The following MAP4K5 variants were observed in gnomAD, a reference collection of about 807,000 sequenced individuals.
MAP4K5 encodes mitogen-activated protein kinase kinase kinase kinase 5.
MAP4K5 carries 82 observed loss-of-function variants against 135.6 expected under a neutral mutation model. The ratio of observed to expected loss-of-function variants is 0.60; its 90% CI spans 0.51 to 0.73. The LOEUF is 0.73. Ranked by LOEUF, MAP4K5 falls within the 30% of genes least tolerant of loss-of-function variation. The pLI, the probability that MAP4K5 is intolerant of heterozygous loss-of-function variation, is 0.00. For synonymous variants in MAP4K5, 347 were observed against 335.0 expected (o/e 1.04, Z -0.39); for missense variants, 907 against 1,010.9 (o/e 0.90, Z 1.39).
chr14:50,532,732 C>T (rs534818039), upstream of MAP4K5: 2 of 152,838 alleles, frequency 1.3e-5, no homozygotes, highest in African/African-American at 4.8e-5. Context: ...ACAACACCCT[C>T]CCGACCGCGC....
intron 28 of MAP4K5, among the ~76,000 whole-genome samples, chr14:50,432,502 T>C (rs2035992265): frequency 6.8e-6 from 1 of 146,976 alleles, no homozygotes; most frequent in Non-Finnish European, 1.5e-5. Flanking sequence ...ATGTTAAAAG[T>C]AGGTAGAATA....
At position 50,434,374 on chromosome 14, in the gene MAP4K5, A is replaced by G. The variant is rs369927760; in HGVS notation, c.2164+20T>C. The G allele has an allele frequency of 6.4e-6, 10 of 1,568,630 alleles. No homozygotes were observed. Among genetic ancestry groups the G allele is most frequent in the Non-Finnish European group, 6.9e-6 (8 of 1,154,202 alleles). Reference sequence around the variant, plus strand: ...TAGGCAAAAATATCAATATTCTAACATAAGGTAAAAAATACTTACCTGCAC... The same window carrying G: ...TAGGCAAAAATATCAATATTCTAACGTAAGGTAAAAAATACTTACCTGCAC... On this transcript the variant is annotated intron_variant, in intron 28 of 32. Coordinates refer to ENST00000682126, the MANE Select transcript of MAP4K5 (RefSeq NM_006575.6).
At chr14:50,456,694 T>A in intron 13 of MAP4K5, 100 bp from the exon 14 acceptor site, 1 of 697,714 alleles carries the variant, frequency 1.4e-6, no homozygotes, top group Non-Finnish European at 2.4e-6. Context: ...GAATATCTAC[T>A]AGTAAATTAT....
chr14:50,477,221 A>C (rs1157066570), intron 6 of MAP4K5, among the ~76,000 whole-genome samples: 3 of 152,144 alleles, frequency 2.0e-5, no homozygotes, highest in Non-Finnish European at 2.9e-5. Flanking sequence ...TATCCCTAAG[A>C]ATGTCATATT....
intron 9 of MAP4K5, among the ~76,000 whole-genome samples, chr14:50,473,220 C>G (rs1310468321): frequency 6.6e-6 from 1 of 152,044 alleles, no homozygotes; most frequent in Non-Finnish European, 1.5e-5. Context: ...AAAACTGAGT[C>G]TTTGTTAATT....
chr14:50,430,857 CTG>C (rs1187494495), intron 28 of MAP4K5, among the ~76,000 whole-genome samples: 1 of 152,142 alleles, frequency 6.6e-6, no homozygotes, highest in East Asian at 1.9e-4. Flanking sequence ...TCATTCATGA[CTG>C]TGTGAGGGAA....
intron 2 of MAP4K5, among the ~76,000 whole-genome samples, chr14:50,528,016 T>G (rs2038304787): frequency 6.6e-6 from 1 of 152,134 alleles, no homozygotes; most frequent in Admixed American, 6.5e-5. Context: ...CAGAGGTAGT[T>G]GAGAATCTAA....
At chr14:50,519,200 G>A (rs1272149454) in intron 2 of MAP4K5, among the ~76,000 whole-genome samples, 12 of 151,718 alleles carry the variant, frequency 7.9e-5, no homozygotes, top group South Asian at 2.1e-4. Flanking sequence ...TTAAAAGCAC[G>A]TTATCAAATA....
intron 14 of MAP4K5, among the ~76,000 whole-genome samples, chr14:50,452,226 G>A (rs957489119): frequency 4.6e-5 from 7 of 152,074 alleles, no homozygotes; most frequent in Non-Finnish European, 8.8e-5. Flanking sequence ...ATCATAAATC[G>A]GGGAGCATCT....
At chr14:50,462,826 T>C in intron 12 of MAP4K5, 45 bp from the exon 13 acceptor site, 1 of 1,100,788 alleles carries the variant, frequency 9.1e-7, no homozygotes, top group Non-Finnish European at 1.4e-6. Context: ...CCTTTACATC[T>C]ATGGCTTAAA....
intron 9 of MAP4K5, among the ~76,000 whole-genome samples, chr14:50,472,828 G>A (rs2036996779): frequency 6.6e-6 from 1 of 152,142 alleles, no homozygotes; most frequent in Non-Finnish European, 1.5e-5. Flanking sequence ...AGTCATCTGA[G>A]AATGCCTATT....
chr14:50,504,378 T>C (rs1005062922), intron 3 of MAP4K5, among the ~76,000 whole-genome samples: 1 of 152,104 alleles, frequency 6.6e-6, no homozygotes, highest in Admixed American at 6.5e-5. Context: ...CACACAGAAG[T>C]GTTAATAAAA....
chr14:50,457,424 C>T (rs980556462), intron 13 of MAP4K5, among the ~76,000 whole-genome samples: 18 of 152,170 alleles, frequency 1.2e-4, no homozygotes, highest in East Asian at 7.7e-4. Context: ...CTACCCACCA[C>T]GCAGAACCTC....
intron 1 of MAP4K5, among the ~76,000 whole-genome samples, chr14:50,547,061 CA>C (rs2038642926): frequency 6.6e-6 from 1 of 151,936 alleles, no homozygotes; most frequent in African/African-American, 2.4e-5. Flanking sequence ...CACATGGACA[CA>C]GGGGGAGGGG....
At chr14:50,473,568 TTTTG>T (rs1396892753) in intron 9 of MAP4K5, among the ~76,000 whole-genome samples, 32 of 152,288 alleles carry the variant, frequency 2.1e-4, no homozygotes, top group African/African-American at 6.5e-4. Context: ...TGCCTTTTAA[TTTTG>T]TTTAAGCTGG....
intron 1 of MAP4K5, among the ~76,000 whole-genome samples, chr14:50,548,811 G>T (rs763691610): frequency 6.6e-5 from 10 of 152,004 alleles, no homozygotes; most frequent in Admixed American, 2.0e-4. Flanking sequence ...CACCCGGCCT[G>T]GTCTCAATTA....
intron 2 of MAP4K5, among the ~76,000 whole-genome samples, chr14:50,508,880 G>C (rs1192307439): frequency 6.6e-6 from 1 of 151,868 alleles, no homozygotes; most frequent in Non-Finnish European, 1.5e-5. Flanking sequence ...CCCATTACTG[G>C]GTATATACCC....
chr14:50,434,630 C>G, intron 27 of MAP4K5, 59 bp from the exon 28 acceptor site: 1 of 1,454,628 alleles, frequency 6.9e-7, no homozygotes, highest in Admixed American at 2.1e-5. Flanking sequence ...ATTCATACCA[C>G]TGTTGAATAA....
intron 14 of MAP4K5, among the ~76,000 whole-genome samples, chr14:50,454,310 G>C (rs183556241): frequency 1.7e-4 from 26 of 152,246 alleles, no homozygotes; most frequent in Non-Finnish European, 2.9e-4. Flanking sequence ...GAAGGCTCTC[G>C]TGAGGGAACC....
Sources: gnomAD v4.1 joint callset for allele counts (sites outside exome capture counted in the v4.1 genomes callset) on GRCh38, gnomAD v4.1.1 for gene constraint, MANE v1.5 for transcripts, NCBI Gene and HGNC (gene_info 2026-07-23, HGNC 2026-07-21) for gene names.